Variants in UBA1 observed in about 807,000 individuals in gnomAD.
UBA1 encodes ubiquitin-like modifier-activating enzyme 1.
In UBA1, 4 loss-of-function variants were observed where a neutral mutation model predicts 84.7. The observed-to-expected ratio is 0.05, with a 90% CI of 0.02 to 0.11. The LOEUF (loss-of-function observed/expected upper bound fraction) is 0.11, where lower values mean the gene tolerates loss of function less well. Among genes scored for constraint, UBA1 ranks in the 10% least tolerant of loss-of-function variants. The pLI, the probability that UBA1 is intolerant of heterozygous loss-of-function variation, is 1.00. For missense variants in UBA1, 513 were observed against 902.8 expected (o/e 0.57, Z 5.53); for synonymous variants, 364 against 362.6 (o/e 1.00, Z -0.04).
chrX:47,212,951 A>G, intron 22 of UBA1, 39 bp from the exon 23 acceptor site: 2 of 1,210,382 alleles, frequency 1.7e-6, no homozygotes, highest in Non-Finnish European at 2.2e-6. Context: ...AGGCTCTTGT[A>G]CTTAACTACC....
chrX:47,198,192 C>T, intron 1 of UBA1: 1 of 976,183 alleles, frequency 1.0e-6, no homozygotes. Flanking sequence ...GCCATCATGC[C>T]ACCCTGATGG....
rs888338732 is a variant in UBA1, at chrX:47,203,447, C to T, written c.1420-94C>T. On this transcript the variant is annotated intron_variant, in intron 13 of 25. Coordinates refer to ENST00000335972, the MANE Select transcript of UBA1 (RefSeq NM_003334.4). ...TGAAGATGTGGTGTTAGCCCCTCTC[C>T]CCGTCTCTCAGGGGAGTGAGGGGTG... 3.7e-6 allele frequency: 4 copies of T among 1,075,916 alleles called. No individual in the cohort carries two copies. The South Asian group carries it at 5.6e-5, about 15-fold the overall frequency. 88.7% of individuals were successfully genotyped at this position (1,075,916 alleles called of 1,213,427 possible). A position where few individuals can be genotyped will look rare whatever the true frequency, so the allele number is the denominator to read the frequency against.
At chrX:47,209,278 T>G in intron 16 of UBA1, 1 of 406,683 alleles carries the variant, frequency 2.5e-6, no homozygotes, top group Non-Finnish European at 4.3e-6. Flanking sequence ...CTCAGCCTCC[T>G]GAGTAGCTGG....
intron 6 of UBA1, 81 bp from the exon 7 acceptor site, chrX:47,201,195 G>T (rs887362653): frequency 1.0e-6 from 1 of 958,596 alleles, no homozygotes; most frequent in Non-Finnish European, 1.5e-6. Flanking sequence ...TGCTCAGCAA[G>T]TTTTCACTAC....
chrX:47,195,148 C>T lies in UBA1; in HGVS notation c.-1+1124C>T, dbSNP rs17147468. On this transcript the variant is annotated intron_variant, in intron 1 of 25. Transcript: ENST00000335972. ...CCTCAGATCGTTTCAAGGTCCCTAACGTCTGCAGTCAGGGGTTTTCAGCTT... is the reference window on the plus strand; with the variant it reads ...CCTCAGATCGTTTCAAGGTCCCTAATGTCTGCAGTCAGGGGTTTTCAGCTT... Among the ~76,000 whole-genome samples, 1,073 of 112,221 alleles carry T rather than the reference C, an allele frequency of 9.6e-3. 14 individuals are homozygous for T. The highest frequency in any genetic ancestry group is 0.033 in the African/African-American group (1,022 of 30,881).
At chrX:47,214,079 G>C (rs1399310279) in intron 23 of UBA1, among the ~76,000 whole-genome samples, 8 of 111,193 alleles carry the variant, frequency 7.2e-5, no homozygotes, top group African/African-American at 2.3e-4. Context: ...TACCAAGATA[G>C]GGGTGTGCCT....
intron 15 of UBA1, 67 bp from the exon 16 acceptor site, chrX:47,206,181 A>T (rs1234746024): frequency 1.9e-5 from 22 of 1,176,240 alleles, no homozygotes; most frequent in Non-Finnish European, 2.3e-5. Context: ...ATATACCAAG[A>T]GGGGTGTCCG....
chrX:47,211,784 C>T (rs1255445013), intron 20 of UBA1, among the ~76,000 whole-genome samples: 1 of 108,072 alleles, frequency 9.3e-6, no homozygotes, highest in Non-Finnish European at 1.9e-5. Flanking sequence ...CCCCGTCTTC[C>T]TCTCCATAGA....
Position 47,212,782 on chromosome X carries a change from C to T in UBA1, c.2565C>T (p.Ser855=). ...YPIDFEKDDD[S]NFHMDFIVAA... ...CCCACTCATAACAGGATGATGACAG[C>T]AACTTTCATATGGATTTCATCGTGG... Residue 855 remains serine (S), a synonymous_variant, in exon 22 of 26, where the codon AGC becomes AGT. Transcript: ENST00000335972. 8.3e-7 allele frequency: 1 copy of T among 1,209,115 alleles called. No homozygotes were observed. Among genetic ancestry groups the T allele is most frequent in the Non-Finnish European group, 1.1e-6 (1 of 894,707 alleles).
At chrX:47,209,593 C>T in intron 16 of UBA1, 30 bp from the exon 17 acceptor site, 2 of 1,199,515 alleles carry the variant, frequency 1.7e-6, no homozygotes, top group Non-Finnish European at 2.3e-6. Context: ...TCAACTGTGG[C>T]CACATGTAAT....
chrX:47,208,660 T>C (rs1312601149), intron 16 of UBA1: 2 of 105,096 alleles, frequency 1.9e-5, no homozygotes, highest in African/African-American at 3.5e-5. Flanking sequence ...TTGCTCATGT[T>C]GCCCAGGTTG....
intron 20 of UBA1, among the ~76,000 whole-genome samples, chrX:47,211,547 G>A (rs1936916365): frequency 9.0e-6 from 1 of 110,829 alleles, no homozygotes; most frequent in South Asian, 3.8e-4. Flanking sequence ...TCTACCAGCA[G>A]TCTCTCTCCC....
At chrX:47,205,746 C>T (rs1936643086) in intron 14 of UBA1, 3 of 472,755 alleles carry the variant, frequency 6.3e-6, no homozygotes. Flanking sequence ...CCCAGCTACT[C>T]GGGAGGCTGA....
At chrX:47,208,219 A>G (rs1190222845) in intron 16 of UBA1, among the ~76,000 whole-genome samples, 1 of 112,720 alleles carries the variant, frequency 8.9e-6, no homozygotes, top group Non-Finnish European at 1.9e-5. Flanking sequence ...GCTGAAGTGT[A>G]TTGGCACAAT....
chrX:47,198,491 G>A (rs919104924), intron 1 of UBA1: 4 of 356,717 alleles, frequency 1.1e-5, no homozygotes, highest in South Asian at 3.3e-5. Context: ...CCCTGACCTC[G>A]ACACAAGTAC....
In UBA1 at chrX:47,198,899, G is replaced by T; in HGVS notation, c.97G>T (p.Val33Leu). ...CSPAQSVLSE[V>L]PSVPTNGMAK... ...CCCTGCCCAGTCCGTGTTGTCCGAA[G>T]TGCCCTCGGTGCCAACCAACGTGAG... The change falls in exon 2 of 26, where the codon GTG becomes TTG. Residue 33 changes from valine to leucine, a missense_variant. Val to Leu is a conservative substitution (Grantham distance 32, BLOSUM62 1). Coordinates refer to ENST00000335972, the MANE Select transcript of UBA1 (RefSeq NM_003334.4). 1 of 1,211,969 alleles carries T rather than the reference G, an allele frequency of 8.3e-7. No homozygotes were observed. The highest frequency in any genetic ancestry group is 1.1e-6 in the Non-Finnish European group (1 of 895,508).
In UBA1 at chrX:47,209,915, C is replaced by T. The variant is rs201794720; in HGVS notation, c.2004-13C>T. The T allele has an allele frequency of 2.0e-3, 2,400 of 1,209,158 alleles. 4 individuals carry two copies. The highest frequency in any genetic ancestry group is 2.5e-3 in the Non-Finnish European group (2,262 of 893,947). On this transcript the variant is annotated splice_polypyrimidine_tract_variant and intron_variant, in intron 17 of 25. Coordinates refer to ENST00000335972, the MANE Select transcript of UBA1 (RefSeq NM_003334.4). The stretch of plus-strand genomic sequence containing the variant: ...ATGTAATCCTATCCTCTGTCCTCTT[C>T]GATTCCTGATAGAGACCCCAAGTTT...
Position 47,206,122 on chromosome X carries a change from G to T in UBA1, c.1741+9G>T. The T allele has an allele frequency of 8.4e-7, 1 of 1,196,840 alleles. No individual in the cohort carries two copies. The highest frequency in any genetic ancestry group is 3.0e-5 in the East Asian group (1 of 33,010). On this transcript the variant is annotated intron_variant, in intron 15 of 25. Transcript: ENST00000335972. ...GGACAACGTGGATGCCCGTGAGTTT[G>T]GAGGCGGGTGAGGTGGTCACGGGCA...
intron 16 of UBA1, among the ~76,000 whole-genome samples, chrX:47,207,990 G>A (rs1384800422): frequency 8.9e-6 from 1 of 112,225 alleles, no homozygotes; most frequent in Non-Finnish European, 1.9e-5. Flanking sequence ...ACCTGTTTTA[G>A]AGACAAGGCA....
Sources: gnomAD v4.1 joint callset for allele counts (sites outside exome capture counted in the v4.1 genomes callset) on GRCh38, gnomAD v4.1.1 for gene constraint, MANE v1.5 for transcripts, NCBI Gene and HGNC (gene_info 2026-07-23, HGNC 2026-07-21) for gene names.